The following VAV1 variants were observed in gnomAD, a reference collection of about 807,000 sequenced individuals.
The protein encoded by VAV1 is proto-oncogene vav.
In VAV1, 33 loss-of-function variants were observed where a neutral mutation model predicts 128.1. That is an observed-to-expected ratio of 0.26 (90% CI 0.20 to 0.34). VAV1 has a LOEUF of 0.34. VAV1 is among the 10% of genes least tolerant of loss of function. The pLI is 1.00. For missense variants in VAV1, 715 were observed against 1,093.7 expected (o/e 0.65, Z 4.88); for synonymous variants, 394 against 409.8 (o/e 0.96, Z 0.47).
chr19:6,843,652 T>C (rs570924399), intron 22 of VAV1, among the ~76,000 whole-genome samples: 15 of 152,298 alleles, frequency 9.8e-5, no homozygotes, highest in African/African-American at 3.1e-4. Context: ...CATTCCTCTC[T>C]GGAAAATAGC....
At chr19:6,781,303 ATCCG>A (rs1970762276) in intron 1 of VAV1, among the ~76,000 whole-genome samples, 1 of 152,180 alleles carries the variant, frequency 6.6e-6, no homozygotes, top group African/African-American at 2.4e-5. Context: ...CCAAATTGTT[ATCCG>A]TCTGGGATTG....
rs75777681 is a variant in VAV1 at position 6,809,095 on chromosome 19, T to G, written c.205-11607T>G. 2.6e-5 allele frequency among the ~76,000 whole-genome samples: 4 copies of G among 151,270 alleles called. No homozygotes were observed. In the East Asian group the frequency reaches 7.8e-4, roughly 30 times the overall value. On this transcript the variant is annotated intron_variant, in intron 1 of 26. Coordinates refer to ENST00000602142, the MANE Select transcript of VAV1 (RefSeq NM_005428.4). Reference sequence around the variant, plus strand: ...TACCTCTCTTTTTTTTTTTTTTTTTTTTTGAGATAGGGTCTTGTCTTGTCG... The same window carrying G: ...TACCTCTCTTTTTTTTTTTTTTTTTGTTTGAGATAGGGTCTTGTCTTGTCG...
At position 6,825,361 on chromosome 19, in the gene VAV1, C is replaced by T; in HGVS notation, c.782C>T (p.Pro261Leu). ...LKEMKEALGT[P>L]GAANLYQVFI... Reference sequence around the variant, plus strand: ...GAGATGAAGGAAGCCCTGGGCACCCCTGGCGCAGCCAATCTCTACCAGGTC... The same window carrying T: ...GAGATGAAGGAAGCCCTGGGCACCCTTGGCGCAGCCAATCTCTACCAGGTC... Residue 261 changes from proline (P) to leucine (L), a missense_variant, in exon 8 of 27, where the codon CCT (proline) becomes CTT (leucine). Around this residue, in one of 3 missense-constraint regions of VAV1, gnomAD observed 302 missense variants for 477.8 expected, o/e 0.63. Transcript: ENST00000602142. 1 of 1,613,888 alleles carries T rather than the reference C, an allele frequency of 6.2e-7. No individual in the cohort carries two copies. The highest frequency in any genetic ancestry group is 8.5e-7 in the Non-Finnish European group (1 of 1,179,922).
chr19:6,814,678 T>TCTCTCTC (rs1971594149), intron 1 of VAV1, among the ~76,000 whole-genome samples: 1 of 104,222 alleles, frequency 9.6e-6, no homozygotes, highest in African/African-American at 4.8e-5. Context: ...CTTCCTTTCT[T>TCTCTCTC]TCTTTCTTTC....
chr19:6,845,418 A>T (rs1295588360), intron 22 of VAV1, among the ~76,000 whole-genome samples: 1 of 152,054 alleles, frequency 6.6e-6, no homozygotes, highest in East Asian at 1.9e-4. Flanking sequence ...AAATAAATAA[A>T]TAAAAATGAG....
chr19:6,827,087 A>C, intron 9 of VAV1: 2 of 250,006 alleles, frequency 8.0e-6, no homozygotes, highest in Non-Finnish European at 1.6e-5. Context: ...CTTGATCTTG[A>C]ACTGAACTTC....
chr19:6,854,253 A>T (rs1169817667), intron 26 of VAV1, among the ~76,000 whole-genome samples, 155 bp downstream of exon 26: 1 of 152,204 alleles, frequency 6.6e-6, no homozygotes, highest in East Asian at 1.9e-4. Context: ...TCATTTATGC[A>T]TTTATGCAAC....
rs867886770 is a variant in VAV1, at chr19:6,798,472, A to T, written c.205-22230A>T. Among the ~76,000 whole-genome samples the T allele has an allele frequency of 2.3e-4, 35 of 150,700 alleles. No homozygotes were observed. The South Asian group carries it at 3.1e-3, about 14-fold the overall frequency. ...GTGAGACCAGCCTCATCTCTAATAAATAATAAATAAATAAATAAATAAATA... is the reference window on the plus strand; with the variant it reads ...GTGAGACCAGCCTCATCTCTAATAATTAATAAATAAATAAATAAATAAATA... On this transcript the variant is annotated intron_variant, in intron 1 of 26. Coordinates refer to ENST00000602142, the MANE Select transcript of VAV1 (RefSeq NM_005428.4).
At chr19:6,821,963 C>T in intron 4 of VAV1, 104 bp downstream of exon 4, 3 of 1,476,248 alleles carry the variant, frequency 2.0e-6, no homozygotes, top group Non-Finnish European at 2.8e-6. Flanking sequence ...AGGTCATACC[C>T]TGGTGTCTGG....
At chr19:6,818,976 T>A (rs1971725180) in intron 1 of VAV1, among the ~76,000 whole-genome samples, 3 of 151,774 alleles carry the variant, frequency 2.0e-5, no homozygotes, top group Admixed American at 6.6e-5. Flanking sequence ...ATAAGCTGGG[T>A]GTGATGGCGG....
At chr19:6,825,453 G>A in intron 8 of VAV1, 47 bp downstream of exon 8, 1 of 1,537,440 alleles carries the variant, frequency 6.5e-7, no homozygotes. Flanking sequence ...ACTCTGTCTT[G>A]CCTAGGCTGG....
chr19:6,807,428 C>T (rs565816059), intron 1 of VAV1, among the ~76,000 whole-genome samples: 8 of 152,160 alleles, frequency 5.3e-5, no homozygotes, highest in East Asian at 3.9e-4. Context: ...GAGGATCTAA[C>T]GCTGCAGCTG....
chr19:6,841,932 G>A (rs1436898252), intron 21 of VAV1, among the ~76,000 whole-genome samples: 2 of 152,070 alleles, frequency 1.3e-5, no homozygotes, highest in Non-Finnish European at 2.9e-5. Flanking sequence ...GGTAGTGAAA[G>A]TGAGCACTTT....
rs1972707515 is a variant in VAV1, at chr19:6,853,091, C to CA, written c.2332+13dup. 1 of 1,609,400 alleles carries CA rather than the reference C, an allele frequency of 6.2e-7. No homozygotes were observed. The highest frequency in any genetic ancestry group is 1.1e-5 in the South Asian group (1 of 90,978). The stretch of plus-strand genomic sequence containing the variant: ...CAGCAGGCCAGCAGGTAGGAGGTCT[C>CA]AGACTGGGGGCTTACAGCCTCAGCC... On this transcript the variant is annotated intron_variant, in intron 25 of 26. Transcript: ENST00000602142.
At chr19:6,785,661 C>CT (rs754577854) in intron 1 of VAV1, among the ~76,000 whole-genome samples, 1,648 of 128,512 alleles carry the variant, frequency 0.013, 34 homozygotes, top group African/African-American at 0.039. Context: ...TTCTTTCTTT[C>CT]TTTTTTTTTT....
intron 21 of VAV1, among the ~76,000 whole-genome samples, chr19:6,837,261 A>T (rs1972245369): frequency 6.6e-6 from 1 of 152,174 alleles, no homozygotes; most frequent in Admixed American, 6.5e-5. Context: ...CTCCTTGATC[A>T]TTTTTGTGTA....
At chr19:6,845,648 C>G (rs1344842972) in intron 22 of VAV1, among the ~76,000 whole-genome samples, 1 of 149,926 alleles carries the variant, frequency 6.7e-6, no homozygotes, top group Non-Finnish European at 1.5e-5. Flanking sequence ...TTATATTATG[C>G]TATGTATTTT....
intron 1 of VAV1, among the ~76,000 whole-genome samples, chr19:6,782,153 AAGCCC>A (rs1036706851): frequency 1.4e-4 from 21 of 152,098 alleles, no homozygotes; most frequent in African/African-American, 5.1e-4. Context: ...AACATGGCGA[AAGCCC>A]AACTCTACTA....
In VAV1 at chr19:6,828,874, G is replaced by T; in HGVS notation, c.1239G>T (p.Ser413=). 1 of 1,614,138 alleles carries T rather than the reference G, an allele frequency of 6.2e-7. No homozygotes were observed. Among genetic ancestry groups the T allele is most frequent in the African/African-American group, 1.3e-5 (1 of 75,038 alleles). The change falls in exon 13 of 27, where the codon TCG becomes TCT. Residue 413 remains serine, a synonymous_variant. Coordinates refer to ENST00000602142, the MANE Select transcript of VAV1 (RefSeq NM_005428.4). This position sits in a 1 kb window ranked among gnomAD's most constrained non-coding sequence, Gnocchi z 4.5. The part of the protein sequence containing the change: ...PKIDGELKIT[S]VERRSKMDRY... ...TCGACGGGGAACTCAAGATCACCTC[G>T]GTGGAACGGCGCTCCAAGATGGACA...
Sources: gnomAD v4.1 joint callset for allele counts (sites outside exome capture counted in the v4.1 genomes callset) on GRCh38, gnomAD v4.1.1 for gene constraint, gnomAD v4.1.1 regional missense constraint, Gnocchi (gnomAD v3.1) non-coding constraint, MANE v1.5 for transcripts, NCBI Gene and HGNC (gene_info 2026-07-23, HGNC 2026-07-21) for gene names.